GLYR1: variants seen among roughly 807,000 people sequenced by gnomAD.
GLYR1 encodes the protein cytokine-like nuclear factor N-PAC.
GLYR1 carries 21 observed loss-of-function variants against 72.7 expected under a neutral mutation model. The ratio of observed to expected loss-of-function variants is 0.29; its 90% CI spans 0.20 to 0.42. The LOEUF (loss-of-function observed/expected upper bound fraction) is 0.42. GLYR1 is among the 10% of genes least tolerant of loss of function. The pLI, the probability that GLYR1 is intolerant of heterozygous loss-of-function variation, is 1.00. For synonymous variants in GLYR1, 392 were observed against 270.2 expected (o/e 1.45, Z -4.42); for missense variants, 594 against 712.1 (o/e 0.83, Z 1.89).
intron 11 of GLYR1, 39 bp downstream of exon 11, chr16:4,814,498 G>A: frequency 6.7e-7 from 1 of 1,488,956 alleles, no homozygotes; most frequent in Non-Finnish European, 9.4e-7. Flanking sequence ...AATCCTGGCT[G>A]TGACCCGGAG....
chr16:4,823,888 G>C lies in GLYR1; in HGVS notation c.557C>G (p.Ser186Cys), dbSNP rs754125880. The C allele has an allele frequency of 1.9e-6, 3 of 1,613,994 alleles. No individual in the cohort carries two copies. The highest frequency in any genetic ancestry group is 2.2e-5 in the East Asian group (1 of 44,862). Reference protein sequence around the residue: ...KDEKDLTIPESSTVKGMMAGP... With the variant: ...KDEKDLTIPECSTVKGMMAGP... ...GGCCATCATCCCCTTCACGGTACTA[G>C]ACTCCGGGATGGTGAGATCCTATAG... The change falls in exon 6 of 16, where the codon TCT (serine) becomes TGT (cysteine). Residue 186 changes from serine (S) to cysteine (C), a missense_variant. Ser to Cys is a moderately radical substitution (Grantham distance 112). Transcript: ENST00000321919.
chr16:4,806,081 G>A (rs1045047303), intron 15 of GLYR1, among the ~76,000 whole-genome samples: 1 of 152,218 alleles, frequency 6.6e-6, no homozygotes, highest in African/African-American at 2.4e-5. Flanking sequence ...ACCTCAGAGT[G>A]AGAGTTCTCA....
chr16:4,834,204 G>C (rs1370955282), intron 3 of GLYR1, among the ~76,000 whole-genome samples: 1 of 152,120 alleles, frequency 6.6e-6, no homozygotes, highest in Non-Finnish European at 1.5e-5. Flanking sequence ...ACCACTATCA[G>C]GCATGCCACC....
rs148530214 is a variant in GLYR1, at chr16:4,840,496, G to C, written c.155+4578C>G. ...AGCAAACCTGGCTGACATCCTTTAGGAACTTCCAACTCTCATATTCCTTTC... is the reference window on the plus strand; with the variant it reads ...AGCAAACCTGGCTGACATCCTTTAGCAACTTCCAACTCTCATATTCCTTTC... On this transcript the variant is annotated intron_variant, in intron 3 of 15. Coordinates refer to ENST00000321919, the MANE Select transcript of GLYR1 (RefSeq NM_032569.4). Among the ~76,000 whole-genome samples the C allele has an allele frequency of 8.3e-4, 126 of 152,094 alleles. 2 individuals carry two copies. The Middle Eastern group carries it at 0.02, about 25-fold the overall frequency.
At chr16:4,823,984 G>C (rs1014662483) in intron 5 of GLYR1, 77 bp from the exon 6 acceptor site, 191 of 1,229,214 alleles carry the variant, frequency 1.6e-4, no homozygotes, top group Non-Finnish European at 2.2e-4. Flanking sequence ...CACAGTCTAA[G>C]GGAAAGTTCA....
intron 9 of GLYR1, among the ~76,000 whole-genome samples, chr16:4,820,856 C>G (rs374071420): frequency 6.6e-6 from 1 of 152,358 alleles, no homozygotes; most frequent in South Asian, 2.1e-4. Context: ...CCCACCCACA[C>G]CGGGCAGGGT....
chr16:4,805,936 A>G (rs2082943162), intron 15 of GLYR1, among the ~76,000 whole-genome samples: 1 of 152,264 alleles, frequency 6.6e-6, no homozygotes, highest in Admixed American at 6.5e-5. Context: ...AGCTGAGATC[A>G]CACCACTGCA....
intron 1 of GLYR1, 167 bp downstream of exon 1, chr16:4,847,061 G>A (rs546804111): frequency 3.6e-4 from 240 of 658,882 alleles, no homozygotes; most frequent in African/African-American, 3.1e-3. Context: ...CCCCGGGACT[G>A]GACTGCCCCT....
At chr16:4,821,771 G>A in intron 7 of GLYR1, 174 bp from the exon 8 acceptor site, 1 of 637,842 alleles carries the variant, frequency 1.6e-6, no homozygotes, top group Non-Finnish European at 2.8e-6. Flanking sequence ...CCTCATTCAA[G>A]TCCCCATGCA....
intron 1 of GLYR1, chr16:4,846,779 A>AC: frequency 8.1e-6 from 2 of 245,664 alleles, no homozygotes; most frequent in South Asian, 8.9e-5. Flanking sequence ...GGTTTAGACA[A>AC]CCCCGGCTGA....
chr16:4,815,239 G>A (rs1052498633), intron 10 of GLYR1, among the ~76,000 whole-genome samples: 15 of 151,874 alleles, frequency 9.9e-5, no homozygotes, highest in Non-Finnish European at 2.1e-4. Flanking sequence ...CTGAATAGCT[G>A]GGACTATAGG....
chr16:4,816,940 T>C (rs1450598265), intron 10 of GLYR1, among the ~76,000 whole-genome samples: 2 of 138,136 alleles, frequency 1.4e-5, no homozygotes, highest in Non-Finnish European at 1.6e-5. Flanking sequence ...TGAGCCGAGA[T>C]TGTGCCATTT....
chr16:4,843,942 C>G (rs1174165367), intron 3 of GLYR1: 1 of 187,416 alleles, frequency 5.3e-6, no homozygotes, highest in African/African-American at 2.4e-5. Flanking sequence ...GAAACCCCGT[C>G]TCTACTAAAA....
chr16:4,834,196 C>G (rs1359154198), intron 3 of GLYR1, among the ~76,000 whole-genome samples: 1 of 152,052 alleles, frequency 6.6e-6, no homozygotes, highest in Admixed American at 6.5e-5. Context: ...GGCAGCGAAC[C>G]ACTATCAGGC....
At chr16:4,835,558 C>T (rs753942245) in intron 3 of GLYR1, among the ~76,000 whole-genome samples, 2 of 152,146 alleles carry the variant, frequency 1.3e-5, no homozygotes, top group South Asian at 2.1e-4. Context: ...TGGCTGGGCA[C>T]GGTGGCTCAC....
intron 15 of GLYR1, among the ~76,000 whole-genome samples, chr16:4,806,133 C>T (rs760024627): frequency 6.6e-6 from 1 of 152,184 alleles, no homozygotes. Flanking sequence ...CTGGTAATAT[C>T]TGGAGACATT....
At chr16:4,811,472 C>G (rs953830122) in intron 14 of GLYR1, 151 bp downstream of exon 14, 2 of 1,241,480 alleles carry the variant, frequency 1.6e-6, no homozygotes, top group African/African-American at 3.0e-5. Context: ...GCCTATATCC[C>G]CAAATCCCGC....
chr16:4,829,562 C>A (rs2084652089), intron 5 of GLYR1, among the ~76,000 whole-genome samples: 1 of 152,060 alleles, frequency 6.6e-6, no homozygotes, highest in Non-Finnish European at 1.5e-5. Context: ...TCTTGGCTCA[C>A]TGTAACCTCC....
At chr16:4,820,931 C>T (rs1242789193) in intron 9 of GLYR1, among the ~76,000 whole-genome samples, 1 of 152,222 alleles carries the variant, frequency 6.6e-6, no homozygotes, top group Non-Finnish European at 1.5e-5. Flanking sequence ...CCCCCACCTG[C>T]CCCACCATGG....
Sources: gnomAD v4.1 joint callset for allele counts (sites outside exome capture counted in the v4.1 genomes callset) on GRCh38, gnomAD v4.1.1 for gene constraint, MANE v1.5 for transcripts, NCBI Gene and HGNC (gene_info 2026-07-23, HGNC 2026-07-21) for gene names.